The following MITF variants were observed in gnomAD, a reference collection of about 807,000 sequenced individuals.
MITF encodes the protein microphthalmia-associated transcription factor.
In MITF, 17 loss-of-function variants were observed where a neutral mutation model predicts 60.5. The observed-to-expected ratio is 0.28, with a 90% CI of 0.19 to 0.42. The LOEUF is 0.42. MITF is among the 10% of genes least tolerant of loss of function. MITF has a pLI of 1.00. For synonymous variants in MITF, 260 were observed against 248.5 expected (o/e 1.05, Z -0.43); for missense variants, 622 against 683.5 (o/e 0.91, Z 1.00).
At chr3:69,963,620 C>A (rs1044160232) in intron 9 of MITF, among the ~76,000 whole-genome samples, 7 of 152,162 alleles carry the variant, frequency 4.6e-5, no homozygotes, top group Non-Finnish European at 7.3e-5. Flanking sequence ...TGCACGACTT[C>A]TAAAGTCTTG....
At chr3:69,960,377 A>G (rs1375502821) in intron 9 of MITF, among the ~76,000 whole-genome samples, 1 of 152,092 alleles carries the variant, frequency 6.6e-6, no homozygotes, top group Non-Finnish European at 1.5e-5. Flanking sequence ...GCGTCATCCT[A>G]CTCAGTGGGT....
chr3:69,886,630 C>T (rs190500131), intron 2 of MITF, among the ~76,000 whole-genome samples: 24 of 152,198 alleles, frequency 1.6e-4, no homozygotes, highest in African/African-American at 5.5e-4. Context: ...CAGAAAGATA[C>T]ATGAGCTTAA....
chr3:69,771,119 T>C (rs1431268913), intron 1 of MITF, among the ~76,000 whole-genome samples: 1 of 152,200 alleles, frequency 6.6e-6, no homozygotes, highest in Non-Finnish European at 1.5e-5. Flanking sequence ...CATTCCATGT[T>C]GGTTTCCTAA....
chr3:69,894,218 G>A (rs2064822703), intron 2 of MITF, among the ~76,000 whole-genome samples: 1 of 152,166 alleles, frequency 6.6e-6, no homozygotes, highest in African/African-American at 2.4e-5. Flanking sequence ...AAGCCACAGG[G>A]CCTACATTGC....
intron 1 of MITF, among the ~76,000 whole-genome samples, chr3:69,860,142 T>C (rs2063986715): frequency 2.0e-5 from 3 of 152,186 alleles, no homozygotes; most frequent in Admixed American, 2.0e-4. Flanking sequence ...CATTTATAGA[T>C]AACAAAGAAA....
chr3:69,811,515 C>A lies in MITF; in HGVS notation c.105-67619C>A, dbSNP rs114576589. On this transcript the variant is annotated intron_variant, in intron 1 of 9. Transcript: ENST00000352241. ...GATGCCTGCCAATACTAGCAGTTTGCTGCTCTACAGGGTATTGATTTAATA... is the reference window on the plus strand; with the variant it reads ...GATGCCTGCCAATACTAGCAGTTTGATGCTCTACAGGGTATTGATTTAATA... Among the ~76,000 whole-genome samples the A allele has an allele frequency of 6.7e-3, 1,018 of 152,290 alleles. 9 individuals are homozygous for A. Among genetic ancestry groups the A allele is most frequent in the African/African-American group, 0.023 (961 of 41,550 alleles).
intron 1 of MITF, among the ~76,000 whole-genome samples, chr3:69,765,334 T>G (rs2062273501): frequency 6.6e-6 from 1 of 152,198 alleles, no homozygotes; most frequent in Non-Finnish European, 1.5e-5. Flanking sequence ...TTTTACTTTA[T>G]GGAAATGAGT....
intron 2 of MITF, among the ~76,000 whole-genome samples, chr3:69,887,492 TA>T (rs1238938383): frequency 6.6e-6 from 1 of 152,116 alleles, no homozygotes; most frequent in East Asian, 1.9e-4. Context: ...AGCTTGAACT[TA>T]AAAAAACATT....
At chr3:69,888,047 C>T (rs889288029) in intron 2 of MITF, among the ~76,000 whole-genome samples, 3 of 151,926 alleles carry the variant, frequency 2.0e-5, no homozygotes, top group Non-Finnish European at 2.9e-5. Flanking sequence ...ATCACCCGGT[C>T]GGGAAGTAAT....
intron 1 of MITF, among the ~76,000 whole-genome samples, chr3:69,781,724 C>G (rs1441743587): frequency 2.0e-5 from 3 of 152,194 alleles, no homozygotes; most frequent in African/African-American, 4.8e-5. Context: ...AACAAGATCT[C>G]TGTTCCCAAG....
At chr3:69,768,967 G>T (rs1213192270) in intron 1 of MITF, among the ~76,000 whole-genome samples, 3 of 152,198 alleles carry the variant, frequency 2.0e-5, no homozygotes, top group African/African-American at 4.8e-5. Flanking sequence ...GCAATAGCTT[G>T]TTGAGACTAA....
rs1042856725 is a variant in MITF, at chr3:69,919,090, A to C, written c.355-18732A>C. Among the ~76,000 whole-genome samples, 9 of 152,354 alleles carry C rather than the reference A, an allele frequency of 5.9e-5. No homozygotes were observed. The East Asian group carries it at 1.4e-3, about 23-fold the overall frequency. On this transcript the variant is annotated intron_variant, in intron 2 of 9. Coordinates refer to ENST00000352241, the MANE Select transcript of MITF (RefSeq NM_001354604.2). ...TATTCAGTGGTAAAGGTATAACTGC[A>C]TCATCCCATATTTCAATACCAAAAC...
chr3:69,924,545 G>A (rs1245886971), intron 2 of MITF, among the ~76,000 whole-genome samples: 1 of 152,216 alleles, frequency 6.6e-6, no homozygotes, highest in Non-Finnish European at 1.5e-5. Context: ...CGAAAGCAGA[G>A]TGAATAATAG....
At chr3:69,859,343 C>T (rs2063972239) in intron 1 of MITF, among the ~76,000 whole-genome samples, 2 of 152,344 alleles carry the variant, frequency 1.3e-5, no homozygotes, top group South Asian at 4.1e-4. Context: ...GAAACAGTGT[C>T]TCTCTACCTT....
intron 1 of MITF, among the ~76,000 whole-genome samples, chr3:69,803,976 A>G (rs1263327481): frequency 6.6e-6 from 1 of 152,120 alleles, no homozygotes; most frequent in African/African-American, 2.4e-5. Flanking sequence ...GTTCTTGTCT[A>G]AATAGAAGAA....
intron 1 of MITF, among the ~76,000 whole-genome samples, chr3:69,776,529 GAGTT>G (rs1283075520): frequency 5.9e-5 from 9 of 152,174 alleles, no homozygotes; most frequent in Non-Finnish European, 1.3e-4. Flanking sequence ...AAGATTAACT[GAGTT>G]AGTATGTGTC....
chr3:69,832,809 T>C (rs945792811), intron 1 of MITF, among the ~76,000 whole-genome samples: 4 of 152,264 alleles, frequency 2.6e-5, no homozygotes. Flanking sequence ...GTTTGTCTGG[T>C]TACACTGTAT....
At chr3:69,954,498 A>C (rs1380054085) in intron 7 of MITF, among the ~76,000 whole-genome samples, 1 of 152,184 alleles carries the variant, frequency 6.6e-6, no homozygotes, top group Admixed American at 6.5e-5. Context: ...AGGTGAGTGC[A>C]GTGCTGTTCA....
chr3:69,937,223 TGTTGA>T (rs1177811261), intron 2 of MITF: 2 of 161,046 alleles, frequency 1.2e-5, no homozygotes, highest in African/African-American at 4.8e-5. Context: ...TTGCTTTTTA[TGTTGA>T]GTTTTTTCTT....
Sources: allele counts gnomAD v4.1 joint callset (sites outside exome capture counted in the v4.1 genomes callset), GRCh38; gene constraint gnomAD v4.1.1; transcripts MANE v1.5; gene names NCBI Gene and HGNC (gene_info 2026-07-23, HGNC 2026-07-21).